GPC6: variants seen among roughly 807,000 people sequenced by gnomAD.
GPC6 encodes glypican 6, also known as glypican-6.
A neutral mutation model predicts 55.2 loss-of-function variants in GPC6; 14 were observed. The ratio of observed to expected loss-of-function variants is 0.25; its 90% confidence interval spans 0.17 to 0.40. GPC6 has a LOEUF of 0.40. Among genes scored for constraint, GPC6 ranks in the 10% least tolerant of loss-of-function variants. The probability of loss-of-function intolerance (pLI) is 1.00; values close to 1 mark genes in which losing one functional copy is unlikely to be tolerated. For missense variants in GPC6, 641 were observed against 708.5 expected (o/e 0.90, Z 1.08); for synonymous variants, 278 against 259.6 (o/e 1.07, Z -0.68).
chr13:93,560,416 A>G (rs1875716925), intron 2 of GPC6, among the ~76,000 whole-genome samples: 1 of 151,816 alleles, frequency 6.6e-6, no homozygotes, highest in Non-Finnish European at 1.5e-5. Flanking sequence ...GTTACTCTGT[A>G]GGCTGAGTGG....
chr13:93,231,360 CGT>C (rs1491423468), intron 1 of GPC6, among the ~76,000 whole-genome samples: 7 of 14,936 alleles, frequency 4.7e-4, no homozygotes, highest in South Asian at 4.4e-3. Flanking sequence ...TATATATATA[CGT>C]ATATATATAT....
At chr13:93,927,628 T>A (rs1296653075) in intron 3 of GPC6, among the ~76,000 whole-genome samples, 6 of 150,790 alleles carry the variant, frequency 4.0e-5, no homozygotes, top group Non-Finnish European at 8.8e-5. Flanking sequence ...ATCTACTGCA[T>A]AGTAAAATAC....
intron 1 of GPC6, among the ~76,000 whole-genome samples, chr13:93,393,029 A>G (rs1472418813): frequency 6.6e-6 from 1 of 151,238 alleles, no homozygotes; most frequent in African/African-American, 2.4e-5. Context: ...CTAATCATTT[A>G]TTGTTAATTA....
At chr13:94,007,660 C>T (rs1042985031) in intron 3 of GPC6, among the ~76,000 whole-genome samples, 16 of 152,094 alleles carry the variant, frequency 1.1e-4, no homozygotes. Context: ...TAAGTAAAAA[C>T]AATTTCCATT....
intron 2 of GPC6, among the ~76,000 whole-genome samples, chr13:93,635,341 G>C (rs1019337384): frequency 5.3e-5 from 8 of 152,098 alleles, no homozygotes; most frequent in Admixed American, 2.0e-4. Flanking sequence ...CCATGAAAGA[G>C]AGAAATTTGT....
At chr13:94,010,734 C>G (rs1882211116) in intron 3 of GPC6, among the ~76,000 whole-genome samples, 1 of 152,106 alleles carries the variant, frequency 6.6e-6, no homozygotes, top group African/African-American at 2.4e-5. Context: ...ATTCTTAGAA[C>G]TCAGTAAAAT....
At chr13:93,399,047 T>TAC (rs960083642) in intron 1 of GPC6, among the ~76,000 whole-genome samples, 4 of 98,340 alleles carry the variant, frequency 4.1e-5, no homozygotes, top group Non-Finnish European at 9.6e-5. Context: ...ATCTCTCTCC[T>TAC]ACACACACAC....
chr13:94,040,901 G>A (rs911554484), intron 4 of GPC6, among the ~76,000 whole-genome samples: 2 of 151,876 alleles, frequency 1.3e-5, no homozygotes, highest in Non-Finnish European at 2.9e-5. Context: ...TCGATTTGGA[G>A]AAGCTAGTTT....
At chr13:93,932,581 ATAT>A (rs1316924482) in intron 3 of GPC6, among the ~76,000 whole-genome samples, 2 of 152,190 alleles carry the variant, frequency 1.3e-5, no homozygotes, top group Non-Finnish European at 2.9e-5. Context: ...AATTAAATAA[ATAT>A]TATATTATAT....
At chr13:94,167,416 C>T (rs892006405) in intron 4 of GPC6, among the ~76,000 whole-genome samples, 1 of 152,118 alleles carries the variant, frequency 6.6e-6, no homozygotes, top group Admixed American at 6.6e-5. Flanking sequence ...TTCAAAATCT[C>T]CTTTTTCACC....
At chr13:93,894,214 G>A (rs1269944780) in intron 3 of GPC6, among the ~76,000 whole-genome samples, 1 of 152,126 alleles carries the variant, frequency 6.6e-6, no homozygotes, top group Non-Finnish European at 1.5e-5. Context: ...ACTCTAACAT[G>A]CTGCTTAGTC....
intron 3 of GPC6, among the ~76,000 whole-genome samples, chr13:93,903,127 C>T (rs1281412343): frequency 6.6e-6 from 1 of 152,102 alleles, no homozygotes; most frequent in Non-Finnish European, 1.5e-5. Context: ...GAAGAAAACA[C>T]AGGGGAAATG....
chr13:94,003,411 G>A (rs1315255187), intron 3 of GPC6, among the ~76,000 whole-genome samples: 1 of 152,166 alleles, frequency 6.6e-6, no homozygotes, highest in Non-Finnish European at 1.5e-5. Flanking sequence ...AGAGGAAGAA[G>A]TGTCAAAATT....
intron 3 of GPC6, among the ~76,000 whole-genome samples, chr13:93,975,655 C>A (rs549387583): frequency 6.6e-6 from 1 of 152,178 alleles, no homozygotes; most frequent in African/African-American, 2.4e-5. Context: ...GTTTTTGTTC[C>A]CCAAGACCTG....
chr13:94,150,143 A>G (rs1451832032), intron 4 of GPC6, among the ~76,000 whole-genome samples: 1 of 152,120 alleles, frequency 6.6e-6, no homozygotes, highest in Non-Finnish European at 1.5e-5. Context: ...TCAAGTATTA[A>G]AGGCGGATGC....
At chr13:93,866,984 T>A (rs1417872592) in intron 3 of GPC6, among the ~76,000 whole-genome samples, 1 of 151,768 alleles carries the variant, frequency 6.6e-6, no homozygotes, top group Non-Finnish European at 1.5e-5. Context: ...TCTTATTCCT[T>A]TACTTGAAAT....
intron 3 of GPC6, among the ~76,000 whole-genome samples, chr13:93,842,846 C>T (rs1888002579): frequency 6.6e-6 from 1 of 151,496 alleles, no homozygotes; most frequent in African/African-American, 2.4e-5. Flanking sequence ...TTTTTCTGAT[C>T]CTAAAATCAA....
At chr13:93,727,934 C>G (rs903986251) in intron 2 of GPC6, among the ~76,000 whole-genome samples, 10 of 152,130 alleles carry the variant, frequency 6.6e-5, no homozygotes, top group African/African-American at 2.2e-4. Flanking sequence ...ACTATCCCCT[C>G]TAGCCTGTTT....
intron 4 of GPC6, among the ~76,000 whole-genome samples, chr13:94,038,763 G>T (rs1883426127): frequency 2.6e-5 from 4 of 151,880 alleles, no homozygotes; most frequent in South Asian, 4.1e-4. Flanking sequence ...ACCTGTGAAG[G>T]TATGAACAGA....
Sources: allele counts gnomAD v4.1 joint callset (sites outside exome capture counted in the v4.1 genomes callset), GRCh38; gene constraint gnomAD v4.1.1; transcripts MANE v1.5; gene names NCBI Gene and HGNC (gene_info 2026-07-23, HGNC 2026-07-21).